The following RARB variants were observed in gnomAD, a reference collection of about 807,000 sequenced individuals.
RARB encodes HBV-activated protein.
A neutral mutation model predicts 51.9 loss-of-function variants in RARB; 17 were observed. The ratio of observed to expected loss-of-function variants is 0.33; its 90% CI spans 0.22 to 0.49. RARB has a LOEUF of 0.49. Ranked by LOEUF, RARB falls within the 20% of genes least tolerant of loss-of-function variation. The pLI, the probability that RARB is intolerant of heterozygous loss-of-function variation, is 0.99. For missense variants in RARB, 369 were observed against 550.8 expected, an observed-to-expected ratio of 0.67 and a Z score of 3.30; for synonymous variants, 215 against 195.4, an observed-to-expected ratio of 1.10 and a Z score of -0.84.
At chr3:25,264,707 C>A (rs1703084879) in intron 5 of RARB, among the ~76,000 whole-genome samples, 1 of 152,042 alleles carries the variant, frequency 6.6e-6, no homozygotes, top group South Asian at 2.1e-4. Flanking sequence ...CCATAAGAAT[C>A]CTACTAATAA....
At chr3:25,178,289 G>C (rs1490469455) in intron 5 of RARB, among the ~76,000 whole-genome samples, 2 of 151,952 alleles carry the variant, frequency 1.3e-5, no homozygotes, top group Non-Finnish European at 2.9e-5. Context: ...TTAGAACACA[G>C]GGAACATACG....
intron 5 of RARB, among the ~76,000 whole-genome samples, chr3:25,230,314 A>G (rs925430238): frequency 6.6e-6 from 1 of 152,120 alleles, no homozygotes; most frequent in Non-Finnish European, 1.5e-5. Flanking sequence ...GATTCCTAAG[A>G]AATGAAGTGA....
At chr3:25,255,172 C>A (rs1038604759) in intron 5 of RARB, among the ~76,000 whole-genome samples, 4 of 152,166 alleles carry the variant, frequency 2.6e-5, no homozygotes, top group African/African-American at 9.7e-5. Context: ...TTCTCTCATG[C>A]AGTCTTCCCC....
chr3:24,995,894 T>C (rs530738959), intron 2 of RARB, among the ~76,000 whole-genome samples: 1 of 152,086 alleles, frequency 6.6e-6, no homozygotes, highest in South Asian at 2.1e-4. Flanking sequence ...TGCATGTATG[T>C]TTATCAGCAT....
intron 4 of RARB, among the ~76,000 whole-genome samples, chr3:25,165,389 C>G (rs1202561625): frequency 1.3e-5 from 2 of 152,040 alleles, no homozygotes; most frequent in East Asian, 1.9e-4. Flanking sequence ...CTTAGGCATT[C>G]AAAACCAATC....
chr3:25,382,478 G>A (rs1424965456), intron 5 of RARB, among the ~76,000 whole-genome samples: 1 of 152,244 alleles, frequency 6.6e-6, no homozygotes, highest in Non-Finnish European at 1.5e-5. Flanking sequence ...CATTGCCTAT[G>A]TCCTGAAGAG....
chr3:25,006,327 A>G (rs774643026), intron 2 of RARB, among the ~76,000 whole-genome samples: 4 of 152,104 alleles, frequency 2.6e-5, no homozygotes, highest in Non-Finnish European at 5.9e-5. Flanking sequence ...TGTTTATTGT[A>G]GTTTGAGCTA....
intron 2 of RARB, among the ~76,000 whole-genome samples, chr3:24,978,655 T>C (rs992952023): frequency 2.0e-5 from 3 of 152,094 alleles, no homozygotes; most frequent in Admixed American, 2.0e-4. Context: ...TTTTCTTCTT[T>C]ATTAATCTTG....
intron 3 of RARB, among the ~76,000 whole-genome samples, chr3:25,095,201 T>C (rs2125318641): frequency 6.6e-6 from 1 of 152,306 alleles, no homozygotes; most frequent in South Asian, 2.1e-4. Context: ...ACATTCTGAT[T>C]TACTTGGTGT....
intron 5 of RARB, among the ~76,000 whole-genome samples, chr3:25,185,735 C>T (rs1251460487): frequency 1.3e-5 from 2 of 152,088 alleles, no homozygotes. Flanking sequence ...TGACTTCTGT[C>T]CTGACTTTGT....
Position 25,428,878 on chromosome 3 carries a change from C to T in RARB, c.147C>T (p.His49=). ...CCCAAACCGAATGGCAGCATCGGCACACTGCTCAATGTAGGTTTATTTTTT... is the reference window on the plus strand; with the variant it reads ...CCCAAACCGAATGGCAGCATCGGCATACTGCTCAATGTAGGTTTATTTTTT... ...GLTQTEWQHR[H]TAQSIETQST... Residue 49 remains histidine (H), a synonymous_variant, in exon 1 of 8, where the codon CAC becomes CAT. Coordinates refer to ENST00000330688, the MANE Select transcript of RARB (RefSeq NM_000965.5). The T allele has an allele frequency of 6.2e-7, 1 of 1,611,498 alleles. No individual in the cohort carries two copies. Among genetic ancestry groups the T allele is most frequent in the South Asian group, 1.1e-5 (1 of 90,964 alleles).
intron 2 of RARB, among the ~76,000 whole-genome samples, chr3:24,943,138 A>T (rs932917252): frequency 6.6e-6 from 1 of 152,200 alleles, no homozygotes; most frequent in Non-Finnish European, 1.5e-5. Context: ...CAGACTATGT[A>T]AGGGATAATT....
chr3:25,553,070 A>G (rs1445590389), intron 3 of RARB, among the ~76,000 whole-genome samples: 1 of 152,218 alleles, frequency 6.6e-6, no homozygotes, highest in Non-Finnish European at 1.5e-5. Context: ...CTTGGTGAAT[A>G]CTATGAAATG....
chr3:24,990,027 C>T (rs1169792140), intron 2 of RARB, among the ~76,000 whole-genome samples: 1 of 100,538 alleles, frequency 9.9e-6, no homozygotes, highest in African/African-American at 3.9e-5. Context: ...TCTCGATCTC[C>T]TGACCTCATG....
At chr3:24,908,424 G>A (rs961309013) in intron 2 of RARB, among the ~76,000 whole-genome samples, 1 of 152,088 alleles carries the variant, frequency 6.6e-6, no homozygotes, top group Admixed American at 6.6e-5. Context: ...TACACCTACA[G>A]CTTCCATCAA....
intron 2 of RARB, among the ~76,000 whole-genome samples, chr3:24,874,223 C>A (rs931889572): frequency 6.6e-6 from 1 of 151,914 alleles, no homozygotes; most frequent in African/African-American, 2.4e-5. Context: ...ACTACTGATT[C>A]TTTGAAATTG....
At chr3:25,516,203 A>G (rs1698152305) in intron 3 of RARB, among the ~76,000 whole-genome samples, 1 of 152,176 alleles carries the variant, frequency 6.6e-6, no homozygotes, top group Non-Finnish European at 1.5e-5. Flanking sequence ...ATGCACTCCA[A>G]ATTAACAGGC....
rs536201704 is a variant in RARB at position 24,903,728 on chromosome 3, C to T, written c.-380+44976C>T. 2.0e-5 allele frequency among the ~76,000 whole-genome samples: 3 copies of T among 152,188 alleles called. No homozygotes were observed. The East Asian group carries it at 5.8e-4, about 29-fold the overall frequency. On this transcript the variant is annotated intron_variant, in intron 2 of 11. Transcript: ENST00000383772. ...AAGAATCATATCTGATAAATACTGA[C>T]ATCAGGGCCAGTAAAGGAAGCATAT...
intron 4 of RARB, among the ~76,000 whole-genome samples, chr3:25,139,493 A>G (rs1700078519): frequency 3.3e-5 from 5 of 152,156 alleles, no homozygotes; most frequent in Admixed American, 3.3e-4. Context: ...CAAAGTCCTA[A>G]CTCACTTCAA....
Sources: allele counts gnomAD v4.1 joint callset (sites outside exome capture counted in the v4.1 genomes callset), GRCh38; gene constraint gnomAD v4.1.1; transcripts MANE v1.5; gene names NCBI Gene and HGNC (gene_info 2026-07-23, HGNC 2026-07-21).